Variants in ZFPM2 observed in about 807,000 individuals in gnomAD.
ZFPM2 encodes zinc finger protein ZFPM2.
ZFPM2 carries 20 observed loss-of-function variants against 98.6 expected under a neutral mutation model. The observed-to-expected ratio is 0.20, with a 90% CI of 0.14 to 0.29. The LOEUF is 0.29. ZFPM2 is among the 10% of genes least tolerant of loss of function. The pLI, the probability that ZFPM2 is intolerant of heterozygous loss-of-function variation, is 1.00. For missense variants in ZFPM2, 1,310 were observed against 1,388.6 expected (o/e 0.94, Z 0.90); for synonymous variants, 518 against 502.7 (o/e 1.03, Z -0.41).
chr8:105,415,049 T>G (rs1044399719), intron 1 of ZFPM2: 1 of 152,100 alleles, frequency 6.6e-6, no homozygotes, highest in Non-Finnish European at 1.5e-5. Flanking sequence ...CCACTTTCTC[T>G]CCAGAGTGCA....
chr8:105,772,138 C>A (rs796133311), intron 5 of ZFPM2, among the ~76,000 whole-genome samples: 3 of 152,168 alleles, frequency 2.0e-5, no homozygotes, highest in African/African-American at 7.2e-5. Context: ...AGGTTAAGAC[C>A]ACTGTTAAGC....
At chr8:105,711,078 G>T (rs1811382922) in intron 5 of ZFPM2, among the ~76,000 whole-genome samples, 1 of 151,532 alleles carries the variant, frequency 6.6e-6, no homozygotes, top group Non-Finnish European at 1.5e-5. Context: ...ATTCCTTTAA[G>T]GTAGGTGTCA....
intron 1 of ZFPM2, among the ~76,000 whole-genome samples, chr8:105,330,538 C>CTCTA (rs1554594944): frequency 3.0e-5 from 3 of 100,120 alleles, no homozygotes; most frequent in African/African-American, 7.9e-5. Context: ...CTCTCTCTCT[C>CTCTA]TATATATATA....
intron 3 of ZFPM2, among the ~76,000 whole-genome samples, chr8:105,489,995 T>A (rs1813326563): frequency 6.6e-6 from 1 of 152,060 alleles, no homozygotes; most frequent in South Asian, 2.1e-4. Context: ...ACACCTGTAA[T>A]CCTAGCACTT....
At chr8:105,599,740 C>G (rs1816052577) in intron 4 of ZFPM2, among the ~76,000 whole-genome samples, 1 of 152,140 alleles carries the variant, frequency 6.6e-6, no homozygotes, top group South Asian at 2.1e-4. Context: ...TATCACAACT[C>G]CCCTGAAATT....
intron 3 of ZFPM2, among the ~76,000 whole-genome samples, chr8:105,513,351 G>T (rs1221417172): frequency 6.6e-6 from 1 of 152,108 alleles, no homozygotes; most frequent in African/African-American, 2.4e-5. Flanking sequence ...GATAATAGTG[G>T]TTTAGACATT....
intron 3 of ZFPM2, among the ~76,000 whole-genome samples, chr8:105,490,776 A>T (rs570036604): frequency 1.1e-4 from 17 of 152,318 alleles, no homozygotes; most frequent in Non-Finnish European, 2.4e-4. Flanking sequence ...TGAATGAATG[A>T]AATTAAAAAT....
chr8:105,590,721 C>A (rs1193176941), intron 4 of ZFPM2, among the ~76,000 whole-genome samples: 3 of 152,194 alleles, frequency 2.0e-5, no homozygotes, highest in African/African-American at 4.8e-5. Context: ...CGTATAGACA[C>A]ACATGCATGA....
chr8:105,459,677 C>T (rs560486761), intron 3 of ZFPM2, among the ~76,000 whole-genome samples: 4 of 152,122 alleles, frequency 2.6e-5, no homozygotes, highest in East Asian at 3.9e-4. Flanking sequence ...ACTTTTTCTG[C>T]GTGTGTGAGG....
intron 2 of ZFPM2, among the ~76,000 whole-genome samples, chr8:105,419,774 T>C (rs934609970): frequency 4.6e-5 from 7 of 152,082 alleles, no homozygotes; most frequent in Admixed American, 1.3e-4. Context: ...AGGATGGTGC[T>C]GTGGGGATAT....
chr8:105,447,159 C>T (rs2130234758), intron 3 of ZFPM2, among the ~76,000 whole-genome samples: 1 of 151,720 alleles, frequency 6.6e-6, no homozygotes, highest in East Asian at 1.9e-4. Context: ...CTTAAAATAT[C>T]TCATATGCCC....
chr8:105,525,447 G>C (rs2096517487), intron 3 of ZFPM2, among the ~76,000 whole-genome samples: 1 of 152,166 alleles, frequency 6.6e-6, no homozygotes, highest in Non-Finnish European at 1.5e-5. Flanking sequence ...TGATTATTTT[G>C]TTTTATGAAA....
At chr8:105,445,884 G>A (rs1368163731) in intron 3 of ZFPM2, among the ~76,000 whole-genome samples, 3 of 150,682 alleles carry the variant, frequency 2.0e-5, no homozygotes, top group Non-Finnish European at 4.4e-5. Flanking sequence ...ACAGGCATGA[G>A]CCACTGCACC....
intron 5 of ZFPM2, among the ~76,000 whole-genome samples, chr8:105,771,095 C>G (rs543380541): frequency 1.3e-5 from 2 of 152,240 alleles, no homozygotes; most frequent in South Asian, 4.1e-4. Flanking sequence ...TTGTCCAAGT[C>G]AGTGTTTCCT....
At chr8:105,564,873 T>G (rs1307733563) in intron 4 of ZFPM2, among the ~76,000 whole-genome samples, 6 of 152,166 alleles carry the variant, frequency 3.9e-5, no homozygotes, top group Non-Finnish European at 8.8e-5. Flanking sequence ...ATTCAAAGAC[T>G]TCTGGAGTTT....
intron 4 of ZFPM2, among the ~76,000 whole-genome samples, chr8:105,632,640 C>T (rs879479110): frequency 5.9e-5 from 9 of 152,160 alleles, no homozygotes; most frequent in African/African-American, 9.7e-5. Context: ...AATAATGCTT[C>T]GTCAGACTGA....
chr8:105,580,367 T>G (rs988157575), intron 4 of ZFPM2, among the ~76,000 whole-genome samples: 3 of 152,168 alleles, frequency 2.0e-5, no homozygotes, highest in African/African-American at 7.2e-5. Flanking sequence ...AAATTAAAGT[T>G]TTCTACTGAC....
chr8:105,693,761 GTTA>G (rs1343610274), intron 5 of ZFPM2, among the ~76,000 whole-genome samples: 5 of 151,626 alleles, frequency 3.3e-5, no homozygotes, highest in Non-Finnish European at 7.4e-5. Context: ...TAAAATTTTA[GTTA>G]TTTTTATTAA....
chr8:105,778,352 G>T (rs1286971726), intron 5 of ZFPM2, among the ~76,000 whole-genome samples: 1 of 151,108 alleles, frequency 6.6e-6, no homozygotes, highest in East Asian at 1.9e-4. Flanking sequence ...TCAGAGGGAG[G>T]TATCATGTGA....
Sources: allele counts gnomAD v4.1 joint callset (sites outside exome capture counted in the v4.1 genomes callset), GRCh38; gene constraint gnomAD v4.1.1; transcripts MANE v1.5; gene names NCBI Gene and HGNC (gene_info 2026-07-23, HGNC 2026-07-21).